The following PRKCE variants were observed in gnomAD, a reference collection of about 807,000 sequenced individuals.
PRKCE encodes the protein protein kinase C epsilon type.
In PRKCE, 16 loss-of-function variants were observed where a neutral mutation model predicts 85.4. That is an observed-to-expected ratio of 0.19 (90% CI 0.13 to 0.28). The LOEUF is 0.28. Ranked by LOEUF, PRKCE falls within the 10% of genes least tolerant of loss-of-function variation. The pLI, the probability that PRKCE is intolerant of heterozygous loss-of-function variation, is 1.00. For missense variants in PRKCE, 573 were observed against 975.2 expected, an observed-to-expected ratio of 0.59 and a Z score of 5.49; for synonymous variants, 388 against 371.5, an observed-to-expected ratio of 1.04 and a Z score of -0.51.
chr2:46,131,491 G>A (rs1418336151), intron 11 of PRKCE, among the ~76,000 whole-genome samples: 5 of 152,200 alleles, frequency 3.3e-5, no homozygotes, highest in Non-Finnish European at 7.3e-5. Flanking sequence ...TTTTAAAAAG[G>A]AGGAAGTAAA....
At chr2:45,912,057 G>T (rs150463612) in intron 2 of PRKCE, among the ~76,000 whole-genome samples, 2 of 152,142 alleles carry the variant, frequency 1.3e-5, no homozygotes, top group East Asian at 1.9e-4. Flanking sequence ...TCTGGTAGTG[G>T]AGTTTCAGGG....
chr2:45,744,070 A>G (rs1201788590), intron 1 of PRKCE, among the ~76,000 whole-genome samples: 1 of 152,084 alleles, frequency 6.6e-6, no homozygotes, highest in Non-Finnish European at 1.5e-5. Context: ...ACTGGGTTCA[A>G]ATCCTGGACC....
chr2:45,752,052 C>G (rs1177759980), intron 1 of PRKCE, among the ~76,000 whole-genome samples: 1 of 151,006 alleles, frequency 6.6e-6, no homozygotes, highest in Non-Finnish European at 1.5e-5. Flanking sequence ...CTGCTGACCT[C>G]GTGATCCGCC....
In PRKCE at chr2:46,087,612, T is replaced by A. The variant is rs146912338; in HGVS notation, c.1592+1250T>A. 4.2e-4 allele frequency among the ~76,000 whole-genome samples: 64 copies of A among 152,370 alleles called. No homozygotes were observed. The Middle Eastern group carries it at 0.01, about 24-fold the overall frequency. On this transcript the variant is annotated intron_variant, in intron 11 of 14. Transcript: ENST00000306156. Reference sequence around the variant, plus strand: ...CATTCATGGCCCTCTGCCATGGGAATCGACGCATTTGTTTTCTATTGCTGC... The same window carrying A: ...CATTCATGGCCCTCTGCCATGGGAAACGACGCATTTGTTTTCTATTGCTGC...
intron 11 of PRKCE, among the ~76,000 whole-genome samples, chr2:46,125,162 T>C (rs895018867): frequency 1.3e-5 from 2 of 152,308 alleles, no homozygotes; most frequent in African/African-American, 4.8e-5. Flanking sequence ...TCTCTAAATA[T>C]TAGTAGAGAA....
chr2:45,994,678 G>A (rs146106969), intron 6 of PRKCE, among the ~76,000 whole-genome samples: 3 of 152,252 alleles, frequency 2.0e-5, no homozygotes, highest in South Asian at 4.2e-4. Flanking sequence ...TAGTTTATCC[G>A]TTCACCTACT....
chr2:45,761,326 CAAAAAAAAAAAAAA>C lies in PRKCE; in HGVS notation c.349-81663_349-81650del, dbSNP rs370710295. Among the ~76,000 whole-genome samples the C allele has an allele frequency of 1.8e-4, 15 of 82,260 alleles. No individual in the cohort carries two copies. The South Asian group carries it at 6.3e-3, about 35-fold the overall frequency. 54.0% of individuals were successfully genotyped at this position (82,260 alleles called of 152,430 possible). A position where few individuals can be genotyped will look rare whatever the true frequency, so the allele number is the denominator to read the frequency against. On this transcript the variant is annotated intron_variant, in intron 1 of 14. Coordinates refer to ENST00000306156, the MANE Select transcript of PRKCE (RefSeq NM_005400.3). ...TGGGCGACAGAGCGAGACTCCATCT[CAAAAAAAAAAAAAA>C]AAAAAAAAAATCTAAGTACAGAAAG...
chr2:45,878,361 T>A (rs12477522), intron 2 of PRKCE, among the ~76,000 whole-genome samples: 76,854 of 151,632 alleles, frequency 0.51, 22,269 homozygotes, highest in East Asian at 0.97. Context: ...GGCTTGAATA[T>A]CTCAAGTTAC....
intron 12 of PRKCE, among the ~76,000 whole-genome samples, chr2:46,150,251 A>G (rs1676487003): frequency 6.6e-6 from 1 of 152,240 alleles, no homozygotes; most frequent in Non-Finnish European, 1.5e-5. Flanking sequence ...GAGACAGCAT[A>G]GATAAGACAA....
chr2:45,976,116 A>C (rs1702434887), intron 2 of PRKCE, among the ~76,000 whole-genome samples: 1 of 152,142 alleles, frequency 6.6e-6, no homozygotes, highest in African/African-American at 2.4e-5. Flanking sequence ...TTTGACCCCC[A>C]AGCCCTTGAA....
At chr2:45,717,501 C>A (rs1271809160) in intron 1 of PRKCE, among the ~76,000 whole-genome samples, 1 of 152,190 alleles carries the variant, frequency 6.6e-6, no homozygotes, top group Non-Finnish European at 1.5e-5. Context: ...ATTGGGTTCC[C>A]CCTAAAGCAT....
intron 1 of PRKCE, among the ~76,000 whole-genome samples, chr2:45,761,697 TTCTA>T (rs1684518043): frequency 6.6e-6 from 1 of 152,122 alleles, no homozygotes; most frequent in South Asian, 2.1e-4. Context: ...CAGTCTTCTG[TTCTA>T]AGCTTGCCCT....
intron 1 of PRKCE, among the ~76,000 whole-genome samples, chr2:45,830,723 C>T (rs1690354241): frequency 1.3e-5 from 2 of 152,162 alleles, no homozygotes; most frequent in South Asian, 2.1e-4. Context: ...AAAGTGAAAA[C>T]AACGTCACCT....
At chr2:45,809,086 GC>G in intron 1 of PRKCE, among the ~76,000 whole-genome samples, 1 of 152,240 alleles carries the variant, frequency 6.6e-6, no homozygotes, top group East Asian at 1.9e-4. Context: ...GAAGGGAAGG[GC>G]CTTGGGCTTG....
At chr2:45,812,178 C>G (rs1688700007) in intron 1 of PRKCE, among the ~76,000 whole-genome samples, 1 of 152,220 alleles carries the variant, frequency 6.6e-6, no homozygotes, top group Non-Finnish European at 1.5e-5. Flanking sequence ...ACTTGTTCTA[C>G]TTACCTAACA....
At chr2:45,677,381 G>A (rs376466235) in intron 1 of PRKCE, among the ~76,000 whole-genome samples, 353 of 131,728 alleles carry the variant, frequency 2.7e-3, no homozygotes, top group African/African-American at 9.4e-3. Flanking sequence ...ACGGAGTCTC[G>A]CTCTGTCGCC....
At chr2:46,074,918 G>A (rs931459998) in intron 10 of PRKCE, among the ~76,000 whole-genome samples, 20 of 152,228 alleles carry the variant, frequency 1.3e-4, no homozygotes, top group Admixed American at 7.9e-4. Flanking sequence ...ACACCAGATC[G>A]TGGGGAATCG....
intron 11 of PRKCE, among the ~76,000 whole-genome samples, chr2:46,144,891 T>C (rs1675918380): frequency 6.6e-6 from 1 of 152,186 alleles, no homozygotes; most frequent in South Asian, 2.1e-4. Flanking sequence ...TTCCTCCCTC[T>C]TGCTGAAGAA....
chr2:45,791,781 C>T (rs1249016444), intron 1 of PRKCE, among the ~76,000 whole-genome samples: 1 of 152,214 alleles, frequency 6.6e-6, no homozygotes, highest in South Asian at 2.1e-4. Context: ...CTCAGATGCT[C>T]ACTGCCATCT....
Sources: gnomAD v4.1 joint callset for allele counts (sites outside exome capture counted in the v4.1 genomes callset) on GRCh38, gnomAD v4.1.1 for gene constraint, MANE v1.5 for transcripts, NCBI Gene and HGNC (gene_info 2026-07-23, HGNC 2026-07-21) for gene names.